The following KIF26B variants were observed in gnomAD, a reference collection of about 807,000 sequenced individuals.
KIF26B encodes the protein kinesin-like protein KIF26B.
KIF26B carries 63 observed loss-of-function variants against 151.2 expected under a neutral mutation model. That is an observed-to-expected ratio of 0.42 (90% confidence interval 0.34 to 0.51). The LOEUF is 0.51. Ranked by LOEUF, KIF26B falls within the 20% of genes least tolerant of loss-of-function variation. The probability of loss-of-function intolerance (pLI) is 0.07; values close to 1 mark genes in which losing one functional copy is unlikely to be tolerated. For synonymous variants in KIF26B, 1,357 were observed against 1,262.1 expected (o/e 1.08, Z -1.59); for missense variants, 2,813 against 2,913.6 (o/e 0.97, Z 0.79).
Position 245,516,422 on chromosome 1 carries a change from CTAGGCAGCTCTG to C in KIF26B, c.1167-24340_1167-24329del, listed in dbSNP as rs1360066789. Among the ~76,000 whole-genome samples, 1 of 152,208 alleles carries C rather than the reference CTAGGCAGCTCTG, an allele frequency of 6.6e-6. No individual in the cohort carries two copies. The highest frequency in any genetic ancestry group is 1.5e-5 in the Non-Finnish European group (1 of 68,032). On this transcript the variant is annotated intron_variant, in intron 4 of 14. Transcript: ENST00000407071. The surrounding 1 kb of genome is among the most constrained non-coding windows in gnomAD (Gnocchi z 4.2). Reference sequence around the variant, plus strand: ...TCATGTACGCGAGCGTGATTTGCTACTAGGCAGCTCTGTAGGGCTGTATGTATTGATATCACA... The same window carrying C: ...TCATGTACGCGAGCGTGATTTGCTACTAGGGCTGTATGTATTGATATCACA...
At chr1:245,433,716 A>T (rs1244506919) in intron 4 of KIF26B, among the ~76,000 whole-genome samples, 1 of 152,342 alleles carries the variant, frequency 6.6e-6, no homozygotes, top group South Asian at 2.1e-4. Flanking sequence ...TTAGCATCAC[A>T]TGGCAATTAG....
chr1:245,601,388 A>G lies in KIF26B; in HGVS notation c.1351-1189A>G, dbSNP rs2043394374. On this transcript the variant is annotated intron_variant, in intron 5 of 14. Transcript: ENST00000407071. The surrounding 1 kb of genome is among the most constrained non-coding windows in gnomAD (Gnocchi z 4.4). ...GATCTCCGTCTTGAACAACATTATG[A>G]TTCTCTGAGCATTTCTATATGTTGA... Among the ~76,000 whole-genome samples, 1 of 152,156 alleles carries G rather than the reference A, an allele frequency of 6.6e-6. No individual in the cohort carries two copies. The highest frequency in any genetic ancestry group is 1.5e-5 in the Non-Finnish European group (1 of 68,034).
At chr1:245,345,060 G>T (rs1672420011) in intron 2 of KIF26B, among the ~76,000 whole-genome samples, 1 of 152,114 alleles carries the variant, frequency 6.6e-6, no homozygotes. Context: ...CTATTCCCCA[G>T]CAGCAAGGGT....
chr1:245,233,668 A>G (rs1362830679), intron 2 of KIF26B, among the ~76,000 whole-genome samples: 1 of 152,078 alleles, frequency 6.6e-6, no homozygotes, highest in Admixed American at 6.6e-5. Context: ...CTCTTAACTA[A>G]CCACAGACAC....
intron 5 of KIF26B, among the ~76,000 whole-genome samples, chr1:245,594,882 A>T (rs906610611): frequency 6.6e-6 from 1 of 152,156 alleles, no homozygotes; most frequent in East Asian, 1.9e-4. Context: ...GAGGTCCTTC[A>T]CATCCCTTGT....
At chr1:245,656,514 G>A (rs899598287) in intron 10 of KIF26B, among the ~76,000 whole-genome samples, 6 of 152,200 alleles carry the variant, frequency 3.9e-5, no homozygotes, top group African/African-American at 1.4e-4. Flanking sequence ...CACAAGTTGT[G>A]TCATAACCAG....
rs777808376 is a variant in KIF26B at position 245,439,346 on chromosome 1, C to CAAAAAAA, written c.1166+19612_1166+19618dup. Among the ~76,000 whole-genome samples, 317 of 131,656 alleles carry CAAAAAAA rather than the reference C, an allele frequency of 2.4e-3. 3 individuals are homozygous for CAAAAAAA. The highest frequency in any genetic ancestry group is 4.9e-3 in the South Asian group (20 of 4,106). 86.4% of individuals were successfully genotyped at this position (131,656 alleles called of 152,430 possible). A position where few individuals can be genotyped will look rare whatever the true frequency, so the allele number is the denominator to read the frequency against. On this transcript the variant is annotated intron_variant, in intron 4 of 14. Coordinates refer to ENST00000407071, the MANE Select transcript of KIF26B (RefSeq NM_018012.4). ...TGGGCAAAGGAACAAGACCCTGTCT[C>CAAAAAAA]AAAAAAAAAAAAAAAAAGAAAAAAG...
chr1:245,395,555 C>T (rs747592072), intron 3 of KIF26B, among the ~76,000 whole-genome samples: 3 of 152,268 alleles, frequency 2.0e-5, no homozygotes, highest in African/African-American at 4.8e-5. Flanking sequence ...CGGATAGACC[C>T]GGCGGGGTGC....
At chr1:245,339,753 G>A (rs1038424369) in intron 2 of KIF26B, among the ~76,000 whole-genome samples, 1 of 152,204 alleles carries the variant, frequency 6.6e-6, no homozygotes, top group African/African-American at 2.4e-5. Flanking sequence ...CCATATCAAA[G>A]TAGCTGTTGC....
chr1:245,280,632 T>C (rs1335529644), intron 2 of KIF26B, among the ~76,000 whole-genome samples: 1 of 144,838 alleles, frequency 6.9e-6, no homozygotes, highest in Non-Finnish European at 1.5e-5. Flanking sequence ...ACTTTAAGTT[T>C]TAGGGTACAT....
intron 9 of KIF26B, among the ~76,000 whole-genome samples, chr1:245,639,541 A>T (rs1018478254): frequency 1.3e-5 from 2 of 151,036 alleles, no homozygotes; most frequent in East Asian, 1.9e-4. Flanking sequence ...TTTCTAGTTC[A>T]TTGAGGTGCA....
intron 2 of KIF26B, among the ~76,000 whole-genome samples, chr1:245,213,660 C>G (rs1016381580): frequency 1.3e-5 from 2 of 152,172 alleles, no homozygotes; most frequent in Admixed American, 1.3e-4. Context: ...ACCCTGAGAG[C>G]GCTGGGAGCC....
In KIF26B at chr1:245,688,010, A is replaced by G. The variant is rs1304006404; in HGVS notation, c.5027A>G (p.His1676Arg). Reference sequence around the variant, plus strand: ...TCGCTGGGCAGGGCGACAGTCAGCCACTACGAATGCCTCTCCCTGGAGCGG... The same window carrying G: ...TCGCTGGGCAGGGCGACAGTCAGCCGCTACGAATGCCTCTCCCTGGAGCGG... Reference protein sequence around the residue: ...SNSLGRATVSHYECLSLERAE... With the variant: ...SNSLGRATVSRYECLSLERAE... The change falls in exon 12 of 15, where the codon CAC becomes CGC. Residue 1676 changes from histidine to arginine, a missense_variant. Coordinates refer to ENST00000407071, the MANE Select transcript of KIF26B (RefSeq NM_018012.4). 2.6e-6 allele frequency: 4 copies of G among 1,563,708 alleles called. No homozygotes were observed. The East Asian group carries it at 9.6e-5, about 37-fold the overall frequency.
In KIF26B at chr1:245,644,334, T is replaced by C. The variant is rs1222842280; in HGVS notation, c.2099-1787T>C. 2.0e-5 allele frequency among the ~76,000 whole-genome samples: 3 copies of C among 152,140 alleles called. No homozygotes were observed. The East Asian group carries it at 5.8e-4, about 29-fold the overall frequency. ...GTAGTTTTTATCTCTAGAGGTTCAG[T>C]TTTGTGTCTTTTTAAATATATATTC... On this transcript the variant is annotated intron_variant, in intron 9 of 14. Coordinates refer to ENST00000407071, the MANE Select transcript of KIF26B (RefSeq NM_018012.4).
chr1:245,636,874 G>GTGT (rs2043840053), intron 9 of KIF26B, among the ~76,000 whole-genome samples: 1 of 151,726 alleles, frequency 6.6e-6, no homozygotes, highest in Non-Finnish European at 1.5e-5. Context: ...GTGTGTGTGT[G>GTGT]TGTGTGTGTA....
intron 9 of KIF26B, 115 bp downstream of exon 9, chr1:245,612,091 TGTGTGTGTGTGTGTGAGAGAGA>T (rs1558236328): frequency 1.3e-6 from 1 of 744,946 alleles, no homozygotes. Flanking sequence ...TGTGTGTGTG[TGTGTGTGTGTGTGTGAGAGAGA>T]GAGAGAGAGA....
chr1:245,189,062 A>T (rs763209963), intron 2 of KIF26B, among the ~76,000 whole-genome samples: 1 of 152,198 alleles, frequency 6.6e-6, no homozygotes, highest in Non-Finnish European at 1.5e-5. Flanking sequence ...GGGAATGGAG[A>T]GTTATTGTTT....
chr1:245,186,863 C>CT (rs946078857), intron 2 of KIF26B, among the ~76,000 whole-genome samples: 9 of 149,322 alleles, frequency 6.0e-5, no homozygotes, highest in African/African-American at 9.8e-5. Context: ...TTCTTTCTTT[C>CT]TTTTTTTTTC....
intron 4 of KIF26B, among the ~76,000 whole-genome samples, chr1:245,422,190 G>A (rs1280054537): frequency 1.6e-4 from 24 of 152,120 alleles, no homozygotes; most frequent in Admixed American, 1.6e-3. Context: ...CATGGTATAA[G>A]CATTAAAAGT....
Sources: gnomAD v4.1 joint callset for allele counts (sites outside exome capture counted in the v4.1 genomes callset) on GRCh38, gnomAD v4.1.1 for gene constraint, Gnocchi (gnomAD v3.1) non-coding constraint, MANE v1.5 for transcripts, NCBI Gene and HGNC (gene_info 2026-07-23, HGNC 2026-07-21) for gene names.